Variants in ERICH3 observed in about 807,000 individuals in gnomAD.
ERICH3 encodes glutamate-rich protein 3.
ERICH3 carries 126 observed loss-of-function variants against 131.1 expected under a neutral mutation model. The observed-to-expected ratio is 0.96, with a 90% confidence interval of 0.83 to 1.11. ERICH3 has a LOEUF of 1.11. Among genes scored for constraint, ERICH3 ranks in the 50% most tolerant of loss-of-function variants. The pLI, the probability that ERICH3 is intolerant of heterozygous loss-of-function variation, is 0.00. For missense variants in ERICH3, 2,050 were observed against 1,810.7 expected (o/e 1.13, Z -2.40); for synonymous variants, 695 against 644.6 (o/e 1.08, Z -1.18).
At chr1:74,649,839 T>C (rs749496517) in intron 1 of ERICH3, among the ~76,000 whole-genome samples, 9 of 152,150 alleles carry the variant, frequency 5.9e-5, no homozygotes, top group Non-Finnish European at 8.8e-5. Flanking sequence ...CTGTGGTGTA[T>C]AAGCCTCTCT....
chr1:74,622,819 T>G (rs907947838), intron 7 of ERICH3: 2 of 152,180 alleles, frequency 1.3e-5, no homozygotes, highest in Admixed American at 6.5e-5. Context: ...TCCTTTTCAT[T>G]TCCTCTTATT....
intron 10 of ERICH3, among the ~76,000 whole-genome samples, chr1:74,602,415 T>C (rs534346409): frequency 7.9e-5 from 12 of 151,962 alleles, no homozygotes; most frequent in Non-Finnish European, 1.8e-4. Flanking sequence ...ACATAATTTC[T>C]TCTGTTCTCC....
upstream of ERICH3, among the ~76,000 whole-genome samples, chr1:74,674,322 A>G (rs1169718360): frequency 6.6e-6 from 1 of 152,236 alleles, no homozygotes; most frequent in Non-Finnish European, 1.5e-5. Context: ...ATTGGAATCC[A>G]GTACATGGAA....
At chr1:74,577,205 C>T (rs548318045) in intron 12 of ERICH3, 3 of 318,036 alleles carry the variant, frequency 9.4e-6, no homozygotes, top group South Asian at 1.0e-4. Flanking sequence ...CTCCTTAGGG[C>T]CTGTCAACTA....
At chr1:74,601,378 C>T (rs1379052402) in intron 10 of ERICH3, among the ~76,000 whole-genome samples, 3 of 151,736 alleles carry the variant, frequency 2.0e-5, no homozygotes, top group African/African-American at 7.3e-5. Context: ...CAATCCCGGC[C>T]ATGAAAGACT....
intron 10 of ERICH3, among the ~76,000 whole-genome samples, chr1:74,606,219 T>C (rs1021307466): frequency 6.6e-6 from 1 of 151,962 alleles, no homozygotes; most frequent in Non-Finnish European, 1.5e-5. Context: ...ATATAGGTTG[T>C]ACCTACCTGA....
At chr1:74,604,674 G>A (rs1383433238) in intron 10 of ERICH3, among the ~76,000 whole-genome samples, 1 of 151,882 alleles carries the variant, frequency 6.6e-6, no homozygotes, top group African/African-American at 2.4e-5. Context: ...GTCAATGAGT[G>A]GTAAGATGTT....
At chr1:74,613,681 T>A (rs191224861) in intron 8 of ERICH3, among the ~76,000 whole-genome samples, 23 of 152,286 alleles carry the variant, frequency 1.5e-4, no homozygotes, top group Admixed American at 5.2e-4. Flanking sequence ...CACCAATAAA[T>A]TTAGAACCAC....
chr1:74,626,271 C>T (rs1649412366), intron 7 of ERICH3, among the ~76,000 whole-genome samples: 1 of 152,072 alleles, frequency 6.6e-6, no homozygotes, highest in Admixed American at 6.6e-5. Context: ...AATTACAGGA[C>T]AAAAGTTTGT....
chr1:74,598,045 A>T (rs1323403741), intron 11 of ERICH3, among the ~76,000 whole-genome samples: 1 of 151,804 alleles, frequency 6.6e-6, no homozygotes, highest in Non-Finnish European at 1.5e-5. Context: ...TTCTTTTCTA[A>T]CTTAGGACTT....
intron 1 of ERICH3, among the ~76,000 whole-genome samples, chr1:74,655,291 C>G (rs1370769809): frequency 6.6e-6 from 1 of 152,022 alleles, no homozygotes; most frequent in Admixed American, 6.6e-5. Context: ...AACAAATTAC[C>G]ACATACTAGT....
intron 1 of ERICH3, among the ~76,000 whole-genome samples, chr1:74,671,573 T>A (rs1215500266): frequency 3.3e-5 from 5 of 152,130 alleles, no homozygotes; most frequent in Admixed American, 6.5e-5. Flanking sequence ...ATATAAAGAA[T>A]CTATGTTGAA....
intron 8 of ERICH3, among the ~76,000 whole-genome samples, chr1:74,620,244 CA>C (rs1225544794): frequency 6.6e-6 from 1 of 152,092 alleles, no homozygotes; most frequent in South Asian, 2.1e-4. Flanking sequence ...CAAATGAAAG[CA>C]AAAATGTACT....
chr1:74,606,202 T>C (rs1336260531), intron 10 of ERICH3, among the ~76,000 whole-genome samples: 3 of 151,924 alleles, frequency 2.0e-5, no homozygotes, highest in Non-Finnish European at 4.4e-5. Flanking sequence ...TCTATCACCA[T>C]ATAATCATAT....
chr1:74,639,007 A>G (rs1646415450), intron 5 of ERICH3, among the ~76,000 whole-genome samples: 1 of 152,184 alleles, frequency 6.6e-6, no homozygotes, highest in African/African-American at 2.4e-5. Context: ...ACACAAACCT[A>G]TGTCACAACC....
rs997495931 is a variant in ERICH3 at position 74,599,770 on chromosome 1, C to T, written c.1651G>A (p.Ala551Thr). The change falls in exon 11 of 15, where the codon GCA (alanine) becomes ACA (threonine). Residue 551 changes from alanine (A) to threonine (T), a missense_variant. By Grantham distance (58) the Ala-to-Thr change is moderately conservative. Transcript: ENST00000326665. ...EKESETSSQKAPDARDNVKDE... is the reference protein window; with the variant it reads ...EKESETSSQKTPDARDNVKDE... ...TTCACATTGTCACGGGCATCTGGTG[C>T]CTTCTGTGATGAGGTTTCACTCTCT... 3.7e-6 allele frequency: 6 copies of T among 1,612,252 alleles called. No homozygotes were observed. Among genetic ancestry groups the T allele is most frequent in the Non-Finnish European group, 5.1e-6 (6 of 1,178,988 alleles).
chr1:74,665,709 T>C (rs1023347507), intron 1 of ERICH3, among the ~76,000 whole-genome samples: 1 of 152,138 alleles, frequency 6.6e-6, no homozygotes, highest in African/African-American at 2.4e-5. Flanking sequence ...CCTAATCTCT[T>C]CTTATGAAGA....
At chr1:74,599,055 G>T (rs576688465) in intron 11 of ERICH3, among the ~76,000 whole-genome samples, 1 of 151,950 alleles carries the variant, frequency 6.6e-6, no homozygotes, top group East Asian at 1.9e-4. Flanking sequence ...AGAGTAACAT[G>T]AATTATATGC....
chr1:74,584,059 C>T (rs1345631644), intron 12 of ERICH3, among the ~76,000 whole-genome samples: 1 of 152,160 alleles, frequency 6.6e-6, no homozygotes, highest in African/African-American at 2.4e-5. Context: ...TATCCCTGTG[C>T]TTTCATCATT....
Sources: allele counts gnomAD v4.1 joint callset (sites outside exome capture counted in the v4.1 genomes callset), GRCh38; gene constraint gnomAD v4.1.1; transcripts MANE v1.5; gene names NCBI Gene and HGNC (gene_info 2026-07-23, HGNC 2026-07-21).